Variants in ADGRB3 observed in about 807,000 individuals in gnomAD.
ADGRB3 encodes adhesion G protein-coupled receptor B3, also known as brain-specific angiogenesis inhibitor 3.
A neutral mutation model predicts 193.4 loss-of-function variants in ADGRB3; 37 were observed. That is an observed-to-expected ratio of 0.19 (90% CI 0.15 to 0.25). The LOEUF (loss-of-function observed/expected upper bound fraction) is 0.25. Among genes scored for constraint, ADGRB3 ranks in the 10% least tolerant of loss-of-function variants. The pLI, the probability that ADGRB3 is intolerant of heterozygous loss-of-function variation, is 1.00. For missense variants in ADGRB3, 1,637 were observed against 1,852.9 expected, an observed-to-expected ratio of 0.88 and a Z score of 2.14; for synonymous variants, 690 against 644.2, an observed-to-expected ratio of 1.07 and a Z score of -1.08.
intron 3 of ADGRB3, among the ~76,000 whole-genome samples, chr6:68,774,665 G>A (rs1242955416): frequency 6.6e-6 from 1 of 151,584 alleles, no homozygotes; most frequent in Non-Finnish European, 1.5e-5. Context: ...TTCAGAAGAA[G>A]GTAATGCTTC....
chr6:68,835,793 TG>T (rs767664591), intron 3 of ADGRB3, among the ~76,000 whole-genome samples: 1 of 152,216 alleles, frequency 6.6e-6, no homozygotes, highest in Non-Finnish European at 1.5e-5. Context: ...CTTGTAGCAT[TG>T]TTTTTTGCTT....
At chr6:68,781,281 C>T (rs891173072) in intron 3 of ADGRB3, among the ~76,000 whole-genome samples, 1 of 152,030 alleles carries the variant, frequency 6.6e-6, no homozygotes, top group Admixed American at 6.6e-5. Flanking sequence ...TTTGTGTTTC[C>T]CTTTAATCTG....
intron 17 of ADGRB3, among the ~76,000 whole-genome samples, chr6:69,141,103 G>A (rs1404931085): frequency 7.4e-6 from 1 of 135,322 alleles, no homozygotes; most frequent in African/African-American, 2.7e-5. Flanking sequence ...TCAGTTTGGG[G>A]CAGGGATATT....
At chr6:68,677,513 CT>C (rs1309574808) in intron 3 of ADGRB3, among the ~76,000 whole-genome samples, 1 of 128,188 alleles carries the variant, frequency 7.8e-6, no homozygotes, top group Non-Finnish European at 1.7e-5. Flanking sequence ...TCTTTTTTTT[CT>C]TTTTTTCTTT....
At chr6:68,929,342 A>G (rs992790855) in intron 3 of ADGRB3, among the ~76,000 whole-genome samples, 2 of 152,208 alleles carry the variant, frequency 1.3e-5, no homozygotes, top group Non-Finnish European at 2.9e-5. Flanking sequence ...GATTATCTGT[A>G]AAAAATTTCT....
intron 17 of ADGRB3, among the ~76,000 whole-genome samples, chr6:69,136,458 C>T (rs561979014): frequency 5.9e-5 from 9 of 152,210 alleles, no homozygotes; most frequent in African/African-American, 2.2e-4. Context: ...GCTACTGATG[C>T]TTTATGAAGC....
chr6:69,293,437 C>T (rs576177075), intron 20 of ADGRB3, among the ~76,000 whole-genome samples: 2 of 152,268 alleles, frequency 1.3e-5, no homozygotes, highest in Admixed American at 1.3e-4. Context: ...TAAGAATTCC[C>T]TGTCCACAAG....
chr6:68,816,861 G>T (rs1407097053), intron 3 of ADGRB3, among the ~76,000 whole-genome samples: 1 of 151,932 alleles, frequency 6.6e-6, no homozygotes, highest in Admixed American at 6.6e-5. Flanking sequence ...ATTCCATTTT[G>T]TCTCTCCAGA....
intron 17 of ADGRB3, among the ~76,000 whole-genome samples, chr6:69,218,860 A>G (rs1320309764): frequency 2.0e-5 from 3 of 152,130 alleles, no homozygotes; most frequent in African/African-American, 7.2e-5. Context: ...CATTTATTTC[A>G]TGGAATATCA....
intron 13 of ADGRB3, among the ~76,000 whole-genome samples, chr6:69,024,471 ATT>A (rs879790203): frequency 1.4e-4 from 21 of 152,166 alleles, no homozygotes; most frequent in Non-Finnish European, 2.9e-4. Context: ...ATCTTTATGA[ATT>A]TACTTTAGAT....
At chr6:69,263,846 G>T (rs1263523798) in intron 20 of ADGRB3, among the ~76,000 whole-genome samples, 2 of 151,958 alleles carry the variant, frequency 1.3e-5, no homozygotes, top group Non-Finnish European at 2.9e-5. Context: ...GACATAGAGG[G>T]TTGATCAAAG....
At chr6:68,929,509 A>T (rs751518276) in intron 3 of ADGRB3, among the ~76,000 whole-genome samples, 2 of 152,148 alleles carry the variant, frequency 1.3e-5, no homozygotes, top group Non-Finnish European at 2.9e-5. Flanking sequence ...TGTCACTGGA[A>T]CACACTTCAC....
intron 17 of ADGRB3, among the ~76,000 whole-genome samples, chr6:69,166,034 C>G (rs9454710): frequency 1.3e-4 from 20 of 152,070 alleles, no homozygotes; most frequent in African/African-American, 4.6e-4. Context: ...TGAGCACTGA[C>G]TACTCTTACC....
chr6:69,005,776 G>A (rs1769731007), intron 11 of ADGRB3, among the ~76,000 whole-genome samples: 1 of 152,120 alleles, frequency 6.6e-6, no homozygotes, highest in Non-Finnish European at 1.5e-5. Context: ...CCCCACTATT[G>A]ACCTTGATAT....
intron 3 of ADGRB3, among the ~76,000 whole-genome samples, chr6:68,671,679 T>C (rs529706748): frequency 6.6e-6 from 1 of 152,196 alleles, no homozygotes; most frequent in African/African-American, 2.4e-5. Context: ...TGAGGATTTT[T>C]CCATCAATAG....
intron 12 of ADGRB3, 43 bp from the exon 13 acceptor site, chr6:69,018,348 G>T: frequency 1.6e-6 from 2 of 1,282,634 alleles, no homozygotes; most frequent in Non-Finnish European, 1.1e-6. Context: ...GCCATTGTAT[G>T]TATAGATTTT....
At chr6:69,026,709 A>G (rs1770441507) in intron 13 of ADGRB3, among the ~76,000 whole-genome samples, 1 of 152,218 alleles carries the variant, frequency 6.6e-6, no homozygotes, top group Non-Finnish European at 1.5e-5. Flanking sequence ...TACAGGGTAT[A>G]GCCTATTGCT....
At chr6:68,886,818 A>G (rs1764195373) in intron 3 of ADGRB3, among the ~76,000 whole-genome samples, 3 of 152,052 alleles carry the variant, frequency 2.0e-5, no homozygotes, top group Admixed American at 2.0e-4. Context: ...GTCTAAAAAT[A>G]TAATCGCTTT....
chr6:69,286,760 A>G (rs747484095), intron 20 of ADGRB3, among the ~76,000 whole-genome samples: 4 of 152,238 alleles, frequency 2.6e-5, no homozygotes, highest in Non-Finnish European at 4.4e-5. Context: ...ACTCTTAGGA[A>G]ACAGGCTATT....
Sources: gnomAD v4.1 joint callset for allele counts (sites outside exome capture counted in the v4.1 genomes callset) on GRCh38, gnomAD v4.1.1 for gene constraint, MANE v1.5 for transcripts, NCBI Gene and HGNC (gene_info 2026-07-23, HGNC 2026-07-21) for gene names.